HSD17B4: variants seen among roughly 807,000 people sequenced by gnomAD.
HSD17B4 encodes peroxisomal multifunctional enzyme type 2.
Under a neutral mutation model 101.0 loss-of-function variants are expected in HSD17B4, and 70 were observed. The ratio of observed to expected loss-of-function variants is 0.69; its 90% CI spans 0.57 to 0.85. HSD17B4 has a LOEUF of 0.85. HSD17B4 is among the 40% of genes least tolerant of loss of function. HSD17B4 has a pLI of 0.00. For missense variants in HSD17B4, 984 were observed against 892.4 expected, an observed-to-expected ratio of 1.10 and a Z score of -1.31; for synonymous variants, 347 against 297.1, an observed-to-expected ratio of 1.17 and a Z score of -1.73.
At chr5:119,479,677 CTT>C (rs974290414) in intron 8 of HSD17B4, among the ~76,000 whole-genome samples, 5 of 152,074 alleles carry the variant, frequency 3.3e-5, no homozygotes, top group African/African-American at 1.2e-4. Context: ...AAGCTCATTT[CTT>C]TTTATTTTTC....
chr5:119,537,356 A>C (rs905333728), intron 23 of HSD17B4, among the ~76,000 whole-genome samples: 4 of 152,094 alleles, frequency 2.6e-5, no homozygotes, highest in African/African-American at 9.7e-5. Flanking sequence ...AAAAACCTTA[A>C]TTTTCTCATT....
At chr5:119,531,462 C>CT (rs1294749511) in intron 22 of HSD17B4, 58 bp downstream of exon 22, 1 of 1,531,958 alleles carries the variant, frequency 6.5e-7, no homozygotes, top group Non-Finnish European at 9.0e-7. Flanking sequence ...AATAAAGTAT[C>CT]TTTTTAACAA....
At chr5:119,530,866 A>AC (rs1754030342) in intron 21 of HSD17B4, among the ~76,000 whole-genome samples, 1 of 148,234 alleles carries the variant, frequency 6.7e-6, no homozygotes, top group Non-Finnish European at 1.5e-5. Flanking sequence ...AAAAAAAACA[A>AC]AAAACAAAAA....
chr5:119,457,489 T>C (rs972135930), intron 2 of HSD17B4, among the ~76,000 whole-genome samples: 3 of 152,232 alleles, frequency 2.0e-5, no homozygotes, highest in Non-Finnish European at 2.9e-5. Context: ...TGGATGTTCC[T>C]TGTTTAAGAT....
At chr5:119,520,731 G>C (rs1753043928) in intron 17 of HSD17B4, among the ~76,000 whole-genome samples, 1 of 151,960 alleles carries the variant, frequency 6.6e-6, no homozygotes, top group Non-Finnish European at 1.5e-5. Flanking sequence ...AGAAGAATAA[G>C]TCCATTCGAG....
At chr5:119,494,727 G>C (rs1750473838) in intron 11 of HSD17B4, among the ~76,000 whole-genome samples, 1 of 152,132 alleles carries the variant, frequency 6.6e-6, no homozygotes. Context: ...TTGAGGCAGA[G>C]ACTGTATCTT....
chr5:119,509,198 T>A lies in HSD17B4; in HGVS notation c.1391T>A (p.Val464Asp). Residue 464 changes from valine (V) to aspartate (D), a missense_variant, in exon 16 of 24, where the codon GTT becomes GAT. By Grantham distance (152) the Val-to-Asp change is radical (BLOSUM62 -3). Coordinates refer to ENST00000510025, the MANE Select transcript of HSD17B4 (RefSeq NM_000414.4). ...ICHNQFSLFLVGSGGFGGKRT... is the reference protein window; with the variant it reads ...ICHNQFSLFLDGSGGFGGKRT... ...CACAATCAGTTCTCTCTCTTTCTTG[T>A]TGGCTCTGGAGGCTTTGGTGGAAAA... The A allele has an allele frequency of 6.2e-7, 1 of 1,611,642 alleles. No homozygotes were observed. The highest frequency in any genetic ancestry group is 8.5e-7 in the Non-Finnish European group (1 of 1,177,706).
Position 119,499,364 on chromosome 5 carries a change from G to A in HSD17B4, c.1020G>A (p.Thr340=), listed in dbSNP as rs1280748749. Residue 340 remains threonine, a synonymous_variant, in exon 13 of 24, where the codon ACG becomes ACA. Coordinates refer to ENST00000510025, the MANE Select transcript of HSD17B4 (RefSeq NM_000414.4). The part of the protein sequence containing the change: ...QKLPPFSYAY[T]ELEAIMYALG... ...TCCCTCCATTTTCTTATGCTTATAC[G>A]GAACTGGAAGCTATTATGTATGCCC... The A allele has an allele frequency of 5.0e-6, 8 of 1,613,822 alleles. No individual in the cohort carries two copies. The highest frequency in any genetic ancestry group is 4.5e-5 in the East Asian group (2 of 44,844).
chr5:119,541,304 T>C (rs995484467), intron 23 of HSD17B4, among the ~76,000 whole-genome samples: 2 of 152,124 alleles, frequency 1.3e-5, no homozygotes, highest in Non-Finnish European at 2.9e-5. Context: ...CAGAGTTGTG[T>C]TATTTAGGGA....
rs2126673569 is a variant in HSD17B4 at position 119,471,684 on chromosome 5, C to A, written c.113-2224C>A. On this transcript the variant is annotated intron_variant, in intron 2 of 23. Coordinates refer to ENST00000510025, the MANE Select transcript of HSD17B4 (RefSeq NM_000414.4). ...CTATGGAGAAGATCATTTCACAATG[C>A]AGATTCTTTGTTTCAAGTAATTCTC... 1 of 1,470,338 alleles carries A rather than the reference C, an allele frequency of 6.8e-7. No individual in the cohort carries two copies. Among genetic ancestry groups the A allele is most frequent in the Non-Finnish European group, 9.1e-7 (1 of 1,100,682 alleles). The allele number at this position is 1,470,338 out of a possible 1,614,324, so 91.1% of individuals were successfully genotyped here.
intron 1 of HSD17B4, 95 bp downstream of exon 1, chr5:119,452,728 AC>A (rs778663840): frequency 6.2e-7 from 1 of 1,603,264 alleles, no homozygotes; most frequent in Non-Finnish European, 8.5e-7. Context: ...AGCTGAGGTC[AC>A]CCCGCTGAGG....
intron 11 of HSD17B4, among the ~76,000 whole-genome samples, chr5:119,494,897 A>G (rs1750489727): frequency 6.6e-6 from 1 of 152,202 alleles, no homozygotes; most frequent in South Asian, 2.1e-4. Flanking sequence ...TATAACTCAC[A>G]TATACATGTA....
At chr5:119,466,275 T>A (rs993391136) in intron 2 of HSD17B4, among the ~76,000 whole-genome samples, 2 of 152,172 alleles carry the variant, frequency 1.3e-5, no homozygotes, top group African/African-American at 4.8e-5. Context: ...TTTTTTGTTG[T>A]TTTGTCCTTG....
At chr5:119,460,042 T>A in intron 2 of HSD17B4, among the ~76,000 whole-genome samples, 1 of 151,962 alleles carries the variant, frequency 6.6e-6, no homozygotes, top group East Asian at 1.9e-4. Flanking sequence ...AGCTAATTTT[T>A]TTTTTTGTAT....
At chr5:119,518,062 A>G (rs1449108956) in intron 17 of HSD17B4, among the ~76,000 whole-genome samples, 1 of 152,106 alleles carries the variant, frequency 6.6e-6, no homozygotes, top group East Asian at 1.9e-4. Context: ...CAGATAAGAG[A>G]ATAAAAGCAG....
rs151291323 is a variant in HSD17B4, at chr5:119,513,263, A to T, written c.1438-1718A>T. 5.3e-5 allele frequency among the ~76,000 whole-genome samples: 8 copies of T among 152,374 alleles called. No individual in the cohort carries two copies. In the East Asian group the frequency reaches 1.5e-3, roughly 29 times the overall value. Reference sequence around the variant, plus strand: ...GAAATGTTATATTCACTCTTAAAACATCCAAGCTTTTAGTGAAGATATTAT... The same window carrying T: ...GAAATGTTATATTCACTCTTAAAACTTCCAAGCTTTTAGTGAAGATATTAT... On this transcript the variant is annotated intron_variant, in intron 16 of 23. Transcript: ENST00000510025.
chr5:119,455,314 C>T lies in HSD17B4; in HGVS notation c.59-1001C>T, dbSNP rs976445155. Among the ~76,000 whole-genome samples the T allele has an allele frequency of 8.5e-5, 13 of 152,190 alleles. No individual in the cohort carries two copies. In the South Asian group the frequency reaches 1.0e-3, roughly 12 times the overall value. On this transcript the variant is annotated intron_variant, in intron 1 of 23. Coordinates refer to ENST00000510025, the MANE Select transcript of HSD17B4 (RefSeq NM_000414.4). ...TGGGCTGATCACGAGGTCAAGAGAT[C>T]GAGACCATCCTGGCCAACATGGTGA...
Position 119,473,948 on chromosome 5 carries a change from C to G in HSD17B4, c.153C>G (p.Gly51=), listed in dbSNP as rs1470675260. The change falls in exon 3 of 24, where the codon GGC becomes GGG. Residue 51 remains glycine, a synonymous_variant. Coordinates refer to ENST00000510025, the MANE Select transcript of HSD17B4 (RefSeq NM_000414.4). Reference sequence around the variant, plus strand: ...GGGACTTCAAAGGAGTTGGTAAAGGCTCCTTAGCTGCTGATAAGGTTGTTG... The same window carrying G: ...GGGACTTCAAAGGAGTTGGTAAAGGGTCCTTAGCTGCTGATAAGGTTGTTG... The part of the protein sequence containing the change: ...LGGDFKGVGK[G]SLAADKVVEE... 1 of 1,612,280 alleles carries G rather than the reference C, an allele frequency of 6.2e-7. No individual in the cohort carries two copies. Among genetic ancestry groups the G allele is most frequent in the South Asian group, 1.1e-5 (1 of 91,034 alleles).
chr5:119,534,687 CTCA>C lies in HSD17B4; in HGVS notation c.1994-1734_1994-1732del, dbSNP rs1561493205. 4.6e-5 allele frequency among the ~76,000 whole-genome samples: 7 copies of C among 152,104 alleles called. 1 individual carries two copies. In the South Asian group the frequency reaches 1.5e-3, roughly 32 times the overall value. ...ATTGGATTTGGATTGAAATGAGTGT[CTCA>C]TGCATTTATAGAAAAGTCTTGAAAG... On this transcript the variant is annotated intron_variant, in intron 22 of 23. Transcript: ENST00000510025.
Sources: gnomAD v4.1 joint callset for allele counts (sites outside exome capture counted in the v4.1 genomes callset) on GRCh38, gnomAD v4.1.1 for gene constraint, MANE v1.5 for transcripts, NCBI Gene and HGNC (gene_info 2026-07-23, HGNC 2026-07-21) for gene names.